Variants in ESRRG observed in about 807,000 individuals in gnomAD.
ESRRG encodes estrogen-related receptor gamma.
ESRRG carries 13 observed loss-of-function variants against 44.0 expected under a neutral mutation model. The ratio of observed to expected loss-of-function variants is 0.30; its 90% CI spans 0.19 to 0.47. ESRRG has a LOEUF of 0.47. ESRRG is among the 20% of genes least tolerant of loss of function. The pLI is 1.00. For synonymous variants in ESRRG, 215 were observed against 214.6 expected (o/e 1.00, Z -0.02); for missense variants, 395 against 580.6 (o/e 0.68, Z 3.29).
chr1:217,003,579 A>ATGAATTAATATTAATT (rs72187021), intron 1 of ESRRG, among the ~76,000 whole-genome samples: 5,049 of 147,696 alleles, frequency 0.034, 280 homozygotes, highest in African/African-American at 0.11. Context: ...ACTAATTAAT[A>ATGAATTAATATTAATT]AGTATTAATA....
At chr1:216,884,278 A>C (rs1397583683) in intron 2 of ESRRG, among the ~76,000 whole-genome samples, 2 of 152,244 alleles carry the variant, frequency 1.3e-5, no homozygotes, top group African/African-American at 4.8e-5. Context: ...AAAAAGACTT[A>C]GATAGCAGGG....
At chr1:217,006,871 C>T (rs567892624) in intron 1 of ESRRG, among the ~76,000 whole-genome samples, 2 of 152,148 alleles carry the variant, frequency 1.3e-5, no homozygotes, top group Admixed American at 1.3e-4. Flanking sequence ...ATTAGGCATG[C>T]TCCACCTGTA....
At chr1:216,688,276 A>G (rs1361571266) in intron 1 of ESRRG, among the ~76,000 whole-genome samples, 1 of 152,180 alleles carries the variant, frequency 6.6e-6, no homozygotes, top group Non-Finnish European at 1.5e-5. Context: ...AACCAGATCA[A>G]ATTCTCGAAA....
At chr1:216,560,835 G>A (rs771590949) in intron 5 of ESRRG, among the ~76,000 whole-genome samples, 9 of 152,106 alleles carry the variant, frequency 5.9e-5, no homozygotes, top group Middle Eastern at 3.2e-3. Flanking sequence ...ATCCGAGCGC[G>A]GACGAAATTG....
intron 3 of ESRRG, among the ~76,000 whole-genome samples, chr1:216,598,003 T>C (rs1220418282): frequency 1.3e-5 from 2 of 152,192 alleles, no homozygotes; most frequent in African/African-American, 4.8e-5. Context: ...CCCTTCTTTA[T>C]TGTTTCAGTG....
At chr1:216,794,217 TGAC>T (rs1200707022) in intron 2 of ESRRG, among the ~76,000 whole-genome samples, 1 of 152,130 alleles carries the variant, frequency 6.6e-6, no homozygotes, top group East Asian at 1.9e-4. Context: ...GACTAAAGGC[TGAC>T]GTAAGTGTAA....
chr1:216,635,794 G>A (rs2065180295), intron 3 of ESRRG, among the ~76,000 whole-genome samples: 2 of 152,084 alleles, frequency 1.3e-5, no homozygotes, highest in Non-Finnish European at 2.9e-5. Flanking sequence ...TGGACAGCGA[G>A]CAATGTGAAG....
At chr1:216,926,228 C>T (rs371961062) in intron 2 of ESRRG, among the ~76,000 whole-genome samples, 1 of 152,150 alleles carries the variant, frequency 6.6e-6, no homozygotes, top group African/African-American at 2.4e-5. Flanking sequence ...ACCTGGGAAA[C>T]ACCAGATCAG....
chr1:216,600,858 G>C (rs2059121898), intron 3 of ESRRG, among the ~76,000 whole-genome samples: 1 of 152,300 alleles, frequency 6.6e-6, no homozygotes, highest in African/African-American at 2.4e-5. Context: ...CGGGTCACAG[G>C]ACACAACCGC....
At chr1:216,934,317 C>T (rs779524473) in intron 2 of ESRRG, among the ~76,000 whole-genome samples, 1 of 152,132 alleles carries the variant, frequency 6.6e-6, no homozygotes, top group Non-Finnish European at 1.5e-5. Flanking sequence ...ACCTATAATA[C>T]CACCTACTTG....
intron 1 of ESRRG, among the ~76,000 whole-genome samples, chr1:217,089,094 T>A (rs1424917646): frequency 2.0e-5 from 3 of 151,658 alleles, no homozygotes; most frequent in Admixed American, 1.3e-4. Flanking sequence ...CACCACCCTC[T>A]CCCCCAACGA....
At chr1:217,070,532 C>T (rs879756028) in intron 1 of ESRRG, among the ~76,000 whole-genome samples, 6 of 152,100 alleles carry the variant, frequency 3.9e-5, no homozygotes, top group African/African-American at 7.2e-5. Flanking sequence ...AGGCATGTGC[C>T]ACCAGGTCTG....
chr1:216,527,617 C>G (rs796678311), intron 5 of ESRRG, among the ~76,000 whole-genome samples: 16 of 152,250 alleles, frequency 1.1e-4, no homozygotes, highest in African/African-American at 3.6e-4. Flanking sequence ...AAACCTACAG[C>G]TCCACTATTT....
chr1:216,578,195 A>G (rs1350471534), intron 3 of ESRRG, among the ~76,000 whole-genome samples: 1 of 152,120 alleles, frequency 6.6e-6, no homozygotes, highest in African/African-American at 2.4e-5. Context: ...TAGGAAAAGA[A>G]TAGTTCAATA....
chr1:216,703,963 C>T (rs2081964710), intron 1 of ESRRG, among the ~76,000 whole-genome samples: 1 of 151,508 alleles, frequency 6.6e-6, no homozygotes, highest in Non-Finnish European at 1.5e-5. Flanking sequence ...AATCAATCAC[C>T]TCAAAGACTT....
intron 3 of ESRRG, among the ~76,000 whole-genome samples, chr1:216,587,896 A>G (rs2056948627): frequency 6.6e-6 from 1 of 152,202 alleles, no homozygotes; most frequent in South Asian, 2.1e-4. Flanking sequence ...TTTTCTAAGC[A>G]TGACTATTTA....
At chr1:217,066,255 CTTTTT>C (rs68151743) in intron 1 of ESRRG, among the ~76,000 whole-genome samples, 31 of 132,504 alleles carry the variant, frequency 2.3e-4, no homozygotes, top group Non-Finnish European at 3.0e-4. Context: ...TTTTTCTTTT[CTTTTT>C]TTTTTTTTTT....
chr1:216,588,287 C>T (rs952118676), intron 3 of ESRRG, among the ~76,000 whole-genome samples: 2 of 152,120 alleles, frequency 1.3e-5, no homozygotes, highest in Admixed American at 6.5e-5. Flanking sequence ...TATTATGTCT[C>T]TTGTTCCCTT....
chr1:216,589,836 G>A (rs1005378129), intron 3 of ESRRG, among the ~76,000 whole-genome samples: 3 of 136,708 alleles, frequency 2.2e-5, no homozygotes, highest in Middle Eastern at 4.2e-3. Flanking sequence ...CCTGGGAGGC[G>A]GAGGTTGCAG....
Sources: allele counts gnomAD v4.1 joint callset (sites outside exome capture counted in the v4.1 genomes callset), GRCh38; gene constraint gnomAD v4.1.1; transcripts MANE v1.5; gene names NCBI Gene and HGNC (gene_info 2026-07-23, HGNC 2026-07-21).